The following TG variants were observed in gnomAD, a reference collection of about 807,000 sequenced individuals.
TG encodes the protein thyroglobulin.
In TG, 270 loss-of-function variants were observed where a neutral mutation model predicts 324.7. That is an observed-to-expected ratio of 0.83 (90% CI 0.75 to 0.92). TG has a LOEUF of 0.92. Ranked by LOEUF, TG falls within the 40% of genes least tolerant of loss-of-function variation. TG has a pLI of 0.00. For missense variants in TG, 3,591 were observed against 3,456.4 expected (o/e 1.04, Z -0.98); for synonymous variants, 1,401 against 1,327.0 (o/e 1.06, Z -1.21).
At chr8:132,878,271 A>G (rs1814122472) in intron 5 of TG, among the ~76,000 whole-genome samples, 1 of 152,156 alleles carries the variant, frequency 6.6e-6, no homozygotes. Context: ...ATCTGACTTG[A>G]CAATGTCCTG....
At chr8:132,989,344 A>G (rs1167222518) in intron 35 of TG, among the ~76,000 whole-genome samples, 1 of 152,234 alleles carries the variant, frequency 6.6e-6, no homozygotes, top group Non-Finnish European at 1.5e-5. Flanking sequence ...TGTCCTCTCC[A>G]TTCTATGTGT....
chr8:133,032,942 G>C (rs1301767911), intron 41 of TG, among the ~76,000 whole-genome samples: 1 of 152,164 alleles, frequency 6.6e-6, no homozygotes, highest in African/African-American at 2.4e-5. Flanking sequence ...GAGAGATTTA[G>C]TGACCTACCA....
chr8:133,102,214 G>A (rs945578469), intron 43 of TG, among the ~76,000 whole-genome samples: 3 of 152,186 alleles, frequency 2.0e-5, no homozygotes, highest in African/African-American at 4.8e-5. Context: ...AACCACCTCA[G>A]CTGACCTGAG....
chr8:133,102,365 T>A (rs1315683845), intron 43 of TG: 29 of 546,346 alleles, frequency 5.3e-5, no homozygotes, highest in Non-Finnish European at 9.6e-5. Flanking sequence ...GAGTGGAGCC[T>A]CTTACCCCAA....
At chr8:133,093,746 C>T (rs1294201348) in intron 41 of TG, among the ~76,000 whole-genome samples, 1 of 152,206 alleles carries the variant, frequency 6.6e-6, no homozygotes, top group Non-Finnish European at 1.5e-5. Context: ...CACCACCTTT[C>T]ATCAGGAACC....
intron 27 of TG, among the ~76,000 whole-genome samples, chr8:132,960,651 C>A (rs539406462): frequency 6.6e-6 from 1 of 152,344 alleles, no homozygotes; most frequent in African/African-American, 2.4e-5. Context: ...GCAAGAGTCT[C>A]TGAGGAGTTA....
At chr8:133,002,262 T>G in intron 35 of TG, 1 of 985,410 alleles carries the variant, frequency 1.0e-6, no homozygotes, top group Non-Finnish European at 1.2e-6. Flanking sequence ...GCCTGTGGGG[T>G]GCATGCAGCT....
chr8:132,958,805 C>T (rs1351050662), intron 27 of TG, among the ~76,000 whole-genome samples: 1 of 152,072 alleles, frequency 6.6e-6, no homozygotes, highest in Non-Finnish European at 1.5e-5. Context: ...ATGATGATAT[C>T]ATGAGGAGAG....
At chr8:132,901,581 C>G (rs182439125) in intron 16 of TG, 28 bp downstream of exon 16, 1 of 1,603,166 alleles carries the variant, frequency 6.2e-7, no homozygotes, top group Middle Eastern at 2.0e-4. Context: ...GGGGGGACGA[C>G]GAGGCCTGCA....
chr8:132,923,372 G>C lies in TG; in HGVS notation c.4563G>C (p.Leu1521=), dbSNP rs115981067. The C allele has an allele frequency of 6.2e-7, 1 of 1,614,016 alleles. No homozygotes were observed. Among genetic ancestry groups the C allele is most frequent in the Admixed American group, 1.7e-5 (1 of 59,998 alleles). ...ACTGTCAGAGGAACGAAGCAGGCCT[G>C]CAATGTGACCAGAATGGCCAGTATC... ...VTDCQRNEAG[L]QCDQNGQYRA... is the part of the protein sequence containing the mutation. Residue 1521 remains leucine, a synonymous_variant, in exon 22 of 48, where the codon CTG becomes CTC. Coordinates refer to ENST00000220616, the MANE Select transcript of TG (RefSeq NM_003235.5).
At chr8:133,128,820 A>G (rs951372511) in intron 45 of TG, among the ~76,000 whole-genome samples, 1 of 152,198 alleles carries the variant, frequency 6.6e-6, no homozygotes, top group Admixed American at 6.5e-5. Flanking sequence ...CTGACCATAT[A>G]CTGACACAGC....
chr8:132,883,623 G>A (rs1814975418), intron 8 of TG, among the ~76,000 whole-genome samples: 1 of 152,132 alleles, frequency 6.6e-6, no homozygotes, highest in South Asian at 2.1e-4. Context: ...TCCTAACAAA[G>A]GCTTGGGGGC....
intron 10 of TG, 103 bp from the exon 11 acceptor site, chr8:132,893,587 G>T (rs1816661474): frequency 1.3e-6 from 2 of 1,496,536 alleles, no homozygotes; most frequent in Non-Finnish European, 1.8e-6. Flanking sequence ...TGTGGTGTGT[G>T]TGTGGTGTGT....
intron 41 of TG, chr8:133,049,249 T>C: frequency 2.3e-6 from 1 of 427,320 alleles, no homozygotes; most frequent in South Asian, 1.6e-5. Flanking sequence ...ATATCTCTTG[T>C]TTATCTTACC....
rs150850621 is a variant in TG at position 132,983,352 on chromosome 8, G to C, written c.6202G>C (p.Ala2068Pro). The change falls in exon 35 of 48, where the codon GCT (alanine) becomes CCT (proline). Residue 2068 changes from alanine to proline, a missense_variant and splice_region_variant. Coordinates refer to ENST00000220616, the MANE Select transcript of TG (RefSeq NM_003235.5). ...YPFGWYQKPI[A>P]QNNAPSFCPL... Reference sequence around the variant, plus strand: ...AAAGACTGCTTTTTCCTTTTCAGTTGCTCAAAATAATGCTCCCAGTTTTTG... The same window carrying C: ...AAAGACTGCTTTTTCCTTTTCAGTTCCTCAAAATAATGCTCCCAGTTTTTG... 1.9e-6 allele frequency: 3 copies of C among 1,614,064 alleles called. No homozygotes were observed. The African/African-American group carries it at 4.0e-5, about 22-fold the overall frequency.
chr8:133,123,951 T>G (rs1381520825), intron 45 of TG, among the ~76,000 whole-genome samples: 1 of 152,268 alleles, frequency 6.6e-6, no homozygotes. Context: ...TGGGCCTAAC[T>G]GCCTGGCAGA....
Position 133,013,671 on chromosome 8 carries a change from T to C in TG, c.6469T>C (p.Tyr2157His). ...TQPGAVRCMF[Y>H]ADTQSCTHSL... is the part of the protein sequence containing the mutation. ...ACCTGGGGCTGTGAGATGTATGTTC[T>C]ATGCTGATACTCAAAGCTGCACACA... is the stretch of plus-strand genomic sequence containing the variant. Residue 2157 changes from tyrosine (Y) to histidine (H), a missense_variant, in exon 37 of 48, where the codon TAT (tyrosine) becomes CAT (histidine). Transcript: ENST00000220616. The C allele has an allele frequency of 6.2e-7, 1 of 1,614,230 alleles. No homozygotes were observed. Among genetic ancestry groups the C allele is most frequent in the Non-Finnish European group, 8.5e-7 (1 of 1,180,044 alleles).
rs1831158827 is a variant in TG, at chr8:132,983,510, G to A, written c.6262+98G>A. On this transcript the variant is annotated intron_variant, in intron 35 of 47. Transcript: ENST00000220616. ...GCTTTTGTACAGAAGTTGATAGCTTGCATATCACTCGCATTAATTCCAGCT... is the reference window on the plus strand; with the variant it reads ...GCTTTTGTACAGAAGTTGATAGCTTACATATCACTCGCATTAATTCCAGCT... 4.2e-6 allele frequency: 5 copies of A among 1,192,282 alleles called. No individual in the cohort carries two copies. In the South Asian group the frequency reaches 6.1e-5, roughly 14 times the overall value. 73.9% of individuals were successfully genotyped at this position (1,192,282 alleles called of 1,614,324 possible). A position where few individuals can be genotyped will look rare whatever the true frequency, so the allele number is the denominator to read the frequency against.
chr8:133,092,721 T>C (rs1369824943), intron 41 of TG, among the ~76,000 whole-genome samples: 1 of 152,138 alleles, frequency 6.6e-6, no homozygotes, highest in Admixed American at 6.5e-5. Context: ...CCATGCTCTC[T>C]ACACACCTCT....
Sources: allele counts gnomAD v4.1 joint callset (sites outside exome capture counted in the v4.1 genomes callset), GRCh38; gene constraint gnomAD v4.1.1; transcripts MANE v1.5; gene names NCBI Gene and HGNC (gene_info 2026-07-23, HGNC 2026-07-21).